The following TNRC6B variants were observed in gnomAD, a reference collection of about 807,000 sequenced individuals.
TNRC6B encodes the protein trinucleotide repeat containing adaptor 6B.
TNRC6B carries 52 observed loss-of-function variants against 203.6 expected under a neutral mutation model. The observed-to-expected ratio is 0.26, with a 90% confidence interval of 0.20 to 0.32. TNRC6B has a LOEUF of 0.32. Among genes scored for constraint, TNRC6B ranks in the 10% least tolerant of loss-of-function variants. TNRC6B has a pLI of 1.00. For missense variants in TNRC6B, 1,923 were observed against 2,286.2 expected (o/e 0.84, Z 3.24); for synonymous variants, 838 against 845.7 (o/e 0.99, Z 0.16).
At chr22:40,160,798 A>G (rs1046004754) in intron 4 of TNRC6B, among the ~76,000 whole-genome samples, 2 of 152,052 alleles carry the variant, frequency 1.3e-5, no homozygotes, top group Non-Finnish European at 2.9e-5. Flanking sequence ...TCTTGGGCTC[A>G]GGCTCAAGCA....
chr22:40,123,499 G>A (rs930347049), intron 2 of TNRC6B, among the ~76,000 whole-genome samples: 1 of 152,108 alleles, frequency 6.6e-6, no homozygotes, highest in African/African-American at 2.4e-5. Context: ...TTCCTCTCCC[G>A]ACCTCCTGTC....
chr22:40,211,358 C>T (rs566289318), intron 1 of TNRC6B, among the ~76,000 whole-genome samples: 10 of 149,360 alleles, frequency 6.7e-5, no homozygotes, highest in South Asian at 4.3e-4. Flanking sequence ...GGATTACAGG[C>T]ATGAGCCACC....
intron 16 of TNRC6B, among the ~76,000 whole-genome samples, chr22:40,310,498 G>T (rs570783185): frequency 9.9e-5 from 15 of 152,136 alleles, no homozygotes; most frequent in Admixed American, 6.5e-5. Context: ...TAGGGATAAT[G>T]GTCAGATTCC....
chr22:40,236,669 G>C (rs2069951714), intron 1 of TNRC6B, among the ~76,000 whole-genome samples: 1 of 152,166 alleles, frequency 6.6e-6, no homozygotes, highest in Admixed American at 6.5e-5. Flanking sequence ...GGAATGTGGA[G>C]CCATTTCCTG....
chr22:40,318,583 T>C (rs893939482), intron 21 of TNRC6B, among the ~76,000 whole-genome samples: 3 of 152,162 alleles, frequency 2.0e-5, no homozygotes, highest in East Asian at 1.9e-4. Flanking sequence ...TTCCAAGTTA[T>C]TTCTTTAGCA....
At chr22:40,173,795 T>TATATATATATATATA (rs869193557), upstream of TNRC6B, among the ~76,000 whole-genome samples, 1 of 36,798 alleles carries the variant, frequency 2.7e-5, no homozygotes, top group Non-Finnish European at 4.6e-5. Flanking sequence ...ATATATATAT[T>TATATATATATATATA]TTTTTTTTTT....
chr22:40,062,676 A>T (rs1213790619), intron 1 of TNRC6B, among the ~76,000 whole-genome samples: 1 of 152,148 alleles, frequency 6.6e-6, no homozygotes, highest in African/African-American at 2.4e-5. Flanking sequence ...ACTGGGTAGG[A>T]AATGGTATTT....
At chr22:40,278,181 G>C (rs1463821224) in intron 9 of TNRC6B, 137 bp downstream of exon 9, 1 of 690,550 alleles carries the variant, frequency 1.4e-6, no homozygotes, top group Non-Finnish European at 2.6e-6. Flanking sequence ...AAGGTACTGT[G>C]CTAGACACTG....
chr22:40,242,223 C>G lies in TNRC6B; in HGVS notation c.6-3792C>G, dbSNP rs914276428. ...GTGTGTGTGTGTGCATGCGCACGTG[C>G]GTGTGTGAAGGAATATATACTCACA... On this transcript the variant is annotated intron_variant, in intron 1 of 22. Transcript: ENST00000454349. Among the ~76,000 whole-genome samples, 3 of 151,174 alleles carry G rather than the reference C, an allele frequency of 2.0e-5. No individual in the cohort carries two copies. In the South Asian group the frequency reaches 6.3e-4, roughly 32 times the overall value.
At position 40,262,095 on chromosome 22, in the gene TNRC6B, T is replaced by C; in HGVS notation, c.379T>C (p.Cys127Arg). The C allele has an allele frequency of 6.5e-7, 1 of 1,547,804 alleles. No homozygotes were observed. Among genetic ancestry groups the C allele is most frequent in the Non-Finnish European group, 8.8e-7 (1 of 1,133,406 alleles). The change falls in exon 4 of 23, where the codon TGC becomes CGC. Residue 127 changes from cysteine (C) to arginine (R), a missense_variant. By Grantham distance (180) the Cys-to-Arg change is radical. This residue lies in a region of TNRC6B where 614 missense variants were observed against 587.7 expected (regional missense o/e 1.04). Coordinates refer to ENST00000454349, the MANE Select transcript of TNRC6B (RefSeq NM_001162501.2). ...TGGGGGTGGGGCAGGGCCTCCTCCC[T>C]GCACAGCACCTGGAGCAAACCCAAA... is the stretch of plus-strand genomic sequence containing the variant. Reference protein sequence around the residue: ...LLGGGAGPPPCTAPGANPNNA... With the variant: ...LLGGGAGPPPRTAPGANPNNA...
chr22:40,212,557 T>C (rs2069579254), intron 1 of TNRC6B, among the ~76,000 whole-genome samples: 1 of 152,254 alleles, frequency 6.6e-6, no homozygotes, highest in Admixed American at 6.5e-5. Flanking sequence ...ACTGAGTTTC[T>C]ACATACTTCC....
intron 12 of TNRC6B, among the ~76,000 whole-genome samples, chr22:40,298,961 G>A (rs532237194): frequency 8.8e-5 from 13 of 147,634 alleles, no homozygotes; most frequent in South Asian, 4.3e-4. Context: ...GCGAGACTCC[G>A]TCTCAAAAAA....
At chr22:40,188,142 G>A (rs2069227877) in intron 1 of TNRC6B, among the ~76,000 whole-genome samples, 1 of 152,174 alleles carries the variant, frequency 6.6e-6, no homozygotes, top group Admixed American at 6.5e-5. Flanking sequence ...CTGGGAGGCG[G>A]AGGTTGCAGT....
intron 1 of TNRC6B, among the ~76,000 whole-genome samples, chr22:40,202,777 G>A (rs1467798466): frequency 6.6e-6 from 1 of 152,076 alleles, no homozygotes; most frequent in Non-Finnish European, 1.5e-5. Flanking sequence ...CTGCGTGGAG[G>A]GGATAACTGC....
At chr22:40,083,312 A>T (rs906476485) in intron 1 of TNRC6B, among the ~76,000 whole-genome samples, 1 of 152,196 alleles carries the variant, frequency 6.6e-6, no homozygotes, top group Non-Finnish European at 1.5e-5. Context: ...AGATCATTTT[A>T]AAAAAGAGGG....
At chr22:40,079,799 A>G (rs931974266) in intron 1 of TNRC6B, among the ~76,000 whole-genome samples, 1 of 149,884 alleles carries the variant, frequency 6.7e-6, no homozygotes, top group African/African-American at 2.5e-5. Flanking sequence ...TTTTTTTATT[A>G]TTTTTTTATT....
intron 1 of TNRC6B, among the ~76,000 whole-genome samples, chr22:40,073,733 G>T (rs892727433): frequency 3.3e-5 from 5 of 151,956 alleles, no homozygotes; most frequent in African/African-American, 9.7e-5. Flanking sequence ...GGGTAACATG[G>T]TGAAGCTTCA....
rs540840850 is a variant in TNRC6B, at chr22:40,159,364, G to C, written c.113+3182G>C. On this transcript the variant is annotated intron_variant, in intron 4 of 23. Coordinates refer to the TNRC6B transcript ENST00000301923. ...AGAAATAAAGGTGAGACCTGGCCAG[G>C]CGCGGTGGCTCACGCCTGTAATCCC... Among the ~76,000 whole-genome samples the C allele has an allele frequency of 2.1e-4, 31 of 150,250 alleles. 1 individual carries two copies. The South Asian group carries it at 5.9e-3, about 29-fold the overall frequency.
intron 3 of TNRC6B, among the ~76,000 whole-genome samples, chr22:40,142,546 G>A (rs185904813): frequency 3.7e-4 from 57 of 152,280 alleles, no homozygotes; most frequent in African/African-American, 1.4e-3. Context: ...GCAGAAAGGA[G>A]AGAACTTGCC....
Sources: gnomAD v4.1 joint callset for allele counts (sites outside exome capture counted in the v4.1 genomes callset) on GRCh38, gnomAD v4.1.1 for gene constraint, gnomAD v4.1.1 regional missense constraint, MANE v1.5 for transcripts, NCBI Gene and HGNC (gene_info 2026-07-23, HGNC 2026-07-21) for gene names.